Variants in DPP6 observed in about 807,000 individuals in gnomAD.
The protein encoded by DPP6 is dipeptidyl peptidase like 6.
DPP6 carries 69 observed loss-of-function variants against 122.6 expected under a neutral mutation model. The observed-to-expected ratio is 0.56, with a 90% CI of 0.46 to 0.69. The LOEUF (loss-of-function observed/expected upper bound fraction) is 0.69. Among genes scored for constraint, DPP6 ranks in the 30% least tolerant of loss-of-function variants. DPP6 has a pLI of 0.00. For synonymous variants in DPP6, 418 were observed against 433.1 expected (o/e 0.97, Z 0.43); for missense variants, 928 against 1,116.9 (o/e 0.83, Z 2.41).
chr7:153,933,948 T>C (rs1214496977), intron 1 of DPP6, among the ~76,000 whole-genome samples: 2 of 152,186 alleles, frequency 1.3e-5, no homozygotes, highest in Admixed American at 1.3e-4. Context: ...ACAGATGCTG[T>C]TTGTGTTCAT....
intron 1 of DPP6, among the ~76,000 whole-genome samples, chr7:154,256,703 A>G (rs2150906214): frequency 6.6e-6 from 1 of 152,284 alleles, no homozygotes; most frequent in African/African-American, 2.4e-5. Flanking sequence ...CCCCTTTGAG[A>G]ATCGTCATTG....
At chr7:154,649,713 T>A (rs1032991848) in intron 6 of DPP6, among the ~76,000 whole-genome samples, 3 of 152,216 alleles carry the variant, frequency 2.0e-5, no homozygotes, top group Non-Finnish European at 4.4e-5. Flanking sequence ...GGGGATGGTG[T>A]CCGGCCTGCA....
At chr7:153,814,409 A>C in the DPP6 span, among the ~76,000 whole-genome samples, 3 of 152,148 alleles carry the variant, frequency 2.0e-5, no homozygotes, top group Non-Finnish European at 2.9e-5. Flanking sequence ...CTAAACCAGG[A>C]AGAAGTTGAC....
intron 5 of DPP6, among the ~76,000 whole-genome samples, chr7:154,593,019 G>A (rs148712706): frequency 2.3e-4 from 35 of 152,306 alleles, no homozygotes; most frequent in African/African-American, 8.4e-4. Context: ...GCTGTCATGG[G>A]ACAAGCAGGA....
chr7:154,075,473 G>A (rs567689452), intron 1 of DPP6, among the ~76,000 whole-genome samples: 2 of 152,256 alleles, frequency 1.3e-5, no homozygotes, highest in African/African-American at 4.8e-5. Context: ...ATACTACTCA[G>A]CCATAAGAAA....
intron 7 of DPP6, among the ~76,000 whole-genome samples, chr7:154,702,533 A>ACAGCCT (rs1205909703): frequency 3.3e-5 from 5 of 152,254 alleles, no homozygotes; most frequent in Non-Finnish European, 7.3e-5. Context: ...ATATGGAGAA[A>ACAGCCT]GGTTTCATGC....
At chr7:154,733,060 C>T (rs1842412580) in intron 8 of DPP6, among the ~76,000 whole-genome samples, 1 of 152,218 alleles carries the variant, frequency 6.6e-6, no homozygotes, top group East Asian at 1.9e-4. Context: ...AGTCACAGCC[C>T]TTGCCACAGT....
At chr7:154,831,582 A>G (rs1800632366) in intron 16 of DPP6, among the ~76,000 whole-genome samples, 1 of 152,188 alleles carries the variant, frequency 6.6e-6, no homozygotes, top group African/African-American at 2.4e-5. Flanking sequence ...GTGACAGTTT[A>G]TGAATGTTAC....
chr7:153,854,898 C>T, the DPP6 span, among the ~76,000 whole-genome samples: 2 of 140,332 alleles, frequency 1.4e-5, no homozygotes. Context: ...CCATGGAATA[C>T]TATGCAGCCA....
At chr7:154,169,624 C>T (rs1797434383) in intron 1 of DPP6, among the ~76,000 whole-genome samples, 2 of 152,098 alleles carry the variant, frequency 1.3e-5, no homozygotes, top group Admixed American at 1.3e-4. Flanking sequence ...AAGGTAGATG[C>T]TTCATTAATG....
intron 8 of DPP6, among the ~76,000 whole-genome samples, chr7:154,735,372 C>T (rs1466033447): frequency 1.3e-5 from 2 of 152,114 alleles, no homozygotes; most frequent in African/African-American, 4.8e-5. Context: ...AATTATATTC[C>T]ACTTCATCTA....
At chr7:153,894,508 A>T (rs569697686) in intron 1 of DPP6, among the ~76,000 whole-genome samples, 1 of 152,304 alleles carries the variant, frequency 6.6e-6, no homozygotes, top group East Asian at 1.9e-4. Context: ...GGGAAGTAGA[A>T]GTTTCAAAAA....
At chr7:154,730,134 A>C (rs1168209849) in intron 8 of DPP6, among the ~76,000 whole-genome samples, 1 of 152,200 alleles carries the variant, frequency 6.6e-6, no homozygotes, top group South Asian at 2.1e-4. Flanking sequence ...TGTGAGAAAA[A>C]GGCCTTATAC....
chr7:154,422,707 A>AGATAGATGGGTGGGTG (rs1817573690), intron 1 of DPP6, among the ~76,000 whole-genome samples: 1 of 129,984 alleles, frequency 7.7e-6, no homozygotes, highest in Non-Finnish European at 1.6e-5. Context: ...GTGGGTGGGT[A>AGATAGATGGGTGGGTG]GATGGATGGG....
intron 1 of DPP6, among the ~76,000 whole-genome samples, chr7:153,895,202 G>A (rs997927655): frequency 2.0e-5 from 3 of 152,028 alleles, no homozygotes; most frequent in African/African-American, 4.8e-5. Flanking sequence ...AGGTCCCCCC[G>A]AAAAGTTATT....
At chr7:153,911,907 G>A (rs1403177283) in intron 1 of DPP6, among the ~76,000 whole-genome samples, 1 of 152,232 alleles carries the variant, frequency 6.6e-6, no homozygotes, top group African/African-American at 2.4e-5. Flanking sequence ...TAAAATCTTA[G>A]TAAGGTGATA....
chr7:154,356,580 C>A (rs150737229), intron 1 of DPP6, among the ~76,000 whole-genome samples: 22 of 151,220 alleles, frequency 1.5e-4, no homozygotes, highest in Middle Eastern at 3.4e-3. Context: ...AACCCCCCCA[C>A]CAAAAAAAAA....
intron 1 of DPP6, among the ~76,000 whole-genome samples, chr7:154,266,161 G>T (rs922243233): frequency 1.3e-5 from 2 of 152,110 alleles, no homozygotes; most frequent in African/African-American, 4.8e-5. Flanking sequence ...TAACTAAACC[G>T]ATCAGACTGG....
At chr7:154,878,790 C>G (rs1174221080) in intron 20 of DPP6, among the ~76,000 whole-genome samples, 1 of 152,208 alleles carries the variant, frequency 6.6e-6, no homozygotes, top group Non-Finnish European at 1.5e-5. Flanking sequence ...TGTCTCTGGG[C>G]TCAACTTGGG....
Sources: allele counts gnomAD v4.1 joint callset (sites outside exome capture counted in the v4.1 genomes callset), GRCh38; gene constraint gnomAD v4.1.1; transcripts MANE v1.5; gene names NCBI Gene and HGNC (gene_info 2026-07-23, HGNC 2026-07-21).